Variants in NUP153 observed in about 807,000 individuals in gnomAD.
NUP153 encodes the protein nucleoporin 153.
A neutral mutation model predicts 134.6 loss-of-function variants in NUP153; 27 were observed. That is an observed-to-expected ratio of 0.20 (90% confidence interval 0.15 to 0.28). The LOEUF (loss-of-function observed/expected upper bound fraction) is 0.28, where lower values mean the gene tolerates loss of function less well. NUP153 is among the 10% of genes least tolerant of loss of function. The pLI, the probability that NUP153 is intolerant of heterozygous loss-of-function variation, is 1.00. For synonymous variants in NUP153, 640 were observed against 623.5 expected (o/e 1.03, Z -0.40); for missense variants, 1,821 against 1,731.3 (o/e 1.05, Z -0.92).
chr6:17,651,668 G>C (rs1469313830), intron 11 of NUP153, among the ~76,000 whole-genome samples: 4 of 152,102 alleles, frequency 2.6e-5, no homozygotes, highest in African/African-American at 9.7e-5. Context: ...TACCAAAGTA[G>C]ATTTCAAGAC....
chr6:17,654,701 A>G (rs1040150762), intron 11 of NUP153, among the ~76,000 whole-genome samples: 1 of 152,214 alleles, frequency 6.6e-6, no homozygotes, highest in African/African-American at 2.4e-5. Context: ...CACTAATCTA[A>G]GAGGAAAAAA....
rs1768138557 is a variant in NUP153, at chr6:17,675,145, T to A, written c.723+84A>T. The A allele has an allele frequency of 1.3e-6, 2 of 1,539,642 alleles. No individual in the cohort carries two copies. Among genetic ancestry groups the A allele is most frequent in the African/African-American group, 1.4e-5 (1 of 71,138 alleles). On this transcript the variant is annotated intron_variant, in intron 4 of 21. Transcript: ENST00000262077. This position sits in a 1 kb window ranked among gnomAD's most constrained non-coding sequence, Gnocchi z 4.4. ...TCAAGCCTGGGCAACAGCAAAAGAC[T>A]CTTGTCTCAGAAAAAAAAAAAAAAA... is the stretch of plus-strand genomic sequence containing the variant.
At position 17,629,060 on chromosome 6, in the gene NUP153, T is replaced by A; in HGVS notation, c.3139A>T (p.Ser1047Cys). 1.2e-6 allele frequency: 2 copies of A among 1,614,232 alleles called. No individual in the cohort carries two copies. The highest frequency in any genetic ancestry group is 1.7e-6 in the Non-Finnish European group (2 of 1,180,040). ...NTIVTSENKS[S>C]FNLGTIETKS... ...GTTTCTATGGTTCCAAGGTTGAAGC[T>A]GCTCTTGTTCTCAGAGGTCACTATG... Residue 1047 changes from serine to cysteine, a missense_variant, in exon 18 of 22, where the codon AGC (serine) becomes TGC (cysteine). Coordinates refer to ENST00000262077, the MANE Select transcript of NUP153 (RefSeq NM_005124.4).
intron 20 of NUP153, among the ~76,000 whole-genome samples, chr6:17,624,039 C>T (rs11756008): frequency 9.9e-4 from 150 of 151,958 alleles, no homozygotes; most frequent in Admixed American, 2.1e-3. Flanking sequence ...TTATATTTCA[C>T]AATTAGAAAA....
At chr6:17,670,689 A>AG (rs1346082099) in intron 5 of NUP153, among the ~76,000 whole-genome samples, 1 of 152,152 alleles carries the variant, frequency 6.6e-6, no homozygotes, top group Non-Finnish European at 1.5e-5. Context: ...AACTATACCT[A>AG]GGTTTGTTCA....
chr6:17,635,240 G>A (rs1765488515), intron 16 of NUP153, among the ~76,000 whole-genome samples: 1 of 151,252 alleles, frequency 6.6e-6, no homozygotes, highest in African/African-American at 2.4e-5. Flanking sequence ...CTCCCGAGTA[G>A]CTGGGACTAC....
intron 2 of NUP153, among the ~76,000 whole-genome samples, chr6:17,684,390 C>G (rs528451361): frequency 6.6e-6 from 1 of 152,322 alleles, no homozygotes; most frequent in South Asian, 2.1e-4. Context: ...CTGCTGGCTT[C>G]CAGCTTTTCT....
Position 17,628,861 on chromosome 6 carries a change from G to T in NUP153, c.3338C>A (p.Ser1113Tyr), listed in dbSNP as rs745404592. 1.9e-6 allele frequency: 3 copies of T among 1,614,046 alleles called. No individual in the cohort carries two copies. Among genetic ancestry groups the T allele is most frequent in the Non-Finnish European group, 2.5e-6 (3 of 1,180,014 alleles). ...TTTCTTCCCAAAAACTAGGGAAGTA[G>T]AAGTGACAGGCTCTTGCTGTTTCTC... ...TEEKQQEPVT[S>Y]TSLVFGKKAD... Residue 1113 changes from serine to tyrosine, a missense_variant, in exon 18 of 22, where the codon TCT (serine) becomes TAT (tyrosine). Transcript: ENST00000262077. The surrounding 1 kb of genome is among the most constrained non-coding windows in gnomAD (Gnocchi z 5.4).
In NUP153 at chr6:17,700,072, T is replaced by C. The variant is rs554855861; in HGVS notation, c.111+6205A>G. Among the ~76,000 whole-genome samples the C allele has an allele frequency of 1.8e-4, 27 of 152,222 alleles. 1 individual carries two copies. Among genetic ancestry groups the C allele is most frequent in the African/African-American group, 4.3e-4 (18 of 41,550 alleles). ...ATTTAATACATGCAAGTATTGAATT[T>C]AGTCACCTAAAGGAAACAAAACTTC... On this transcript the variant is annotated intron_variant, in intron 1 of 21. Coordinates refer to ENST00000262077, the MANE Select transcript of NUP153 (RefSeq NM_005124.4).
intron 2 of NUP153, among the ~76,000 whole-genome samples, chr6:17,685,548 CAAAA>C (rs71536744): frequency 1.0e-5 from 1 of 98,636 alleles, no homozygotes; most frequent in Non-Finnish European, 2.0e-5. Flanking sequence ...GACTCCGTCT[CAAAA>C]AAAAAAAAAA....
intron 1 of NUP153, among the ~76,000 whole-genome samples, chr6:17,694,415 T>C (rs1769495111): frequency 6.6e-6 from 1 of 152,120 alleles, no homozygotes; most frequent in African/African-American, 2.4e-5. Context: ...TCCCAGCACT[T>C]CCGGAGGCCG....
At chr6:17,682,266 A>G (rs1768628335) in intron 2 of NUP153, among the ~76,000 whole-genome samples, 1 of 152,150 alleles carries the variant, frequency 6.6e-6, no homozygotes, top group Non-Finnish European at 1.5e-5. Context: ...ACAAATAACA[A>G]TCTGCTGAGC....
intron 20 of NUP153, among the ~76,000 whole-genome samples, chr6:17,623,324 A>C (rs1161099394): frequency 8.0e-5 from 12 of 150,678 alleles, no homozygotes; most frequent in Non-Finnish European, 1.3e-4. Context: ...AACCTCTACA[A>C]ACTTACACGC....
chr6:17,620,344 T>A (rs1764587267), intron 20 of NUP153, among the ~76,000 whole-genome samples: 1 of 152,082 alleles, frequency 6.6e-6, no homozygotes, highest in African/African-American at 2.4e-5. Context: ...AATCCACGTA[T>A]TTACAGCCAA....
At chr6:17,659,617 C>A (rs1291296073) in intron 11 of NUP153, among the ~76,000 whole-genome samples, 1 of 152,152 alleles carries the variant, frequency 6.6e-6, no homozygotes, top group African/African-American at 2.4e-5. Context: ...GGACTACACA[C>A]ATACGCTATC....
At chr6:17,640,281 T>C (rs534714305) in intron 14 of NUP153, among the ~76,000 whole-genome samples, 29 of 152,076 alleles carry the variant, frequency 1.9e-4, no homozygotes, top group Admixed American at 1.8e-3. Context: ...CCCCCACCAA[T>C]AAAAAGGCAA....
At position 17,647,914 on chromosome 6, in the gene NUP153, C is replaced by T; in HGVS notation, c.1534-9G>A. 6.4e-7 allele frequency: 1 copy of T among 1,566,678 alleles called. No individual in the cohort carries two copies. The highest frequency in any genetic ancestry group is 8.7e-7 in the Non-Finnish European group (1 of 1,144,044). ...GGAGAGGTCATTTGTACCTGGTTTT[C>T]CAAATTATTAAGAAATGATACAAAA... On this transcript the variant is annotated splice_polypyrimidine_tract_variant and intron_variant, in intron 12 of 21. Coordinates refer to ENST00000262077, the MANE Select transcript of NUP153 (RefSeq NM_005124.4).
In NUP153 at chr6:17,675,182, A is replaced by G. The variant is rs964154500; in HGVS notation, c.723+47T>C. 2 of 1,592,086 alleles carry G rather than the reference A, an allele frequency of 1.3e-6. No individual in the cohort carries two copies. Among genetic ancestry groups the G allele is most frequent in the East Asian group, 2.2e-5 (1 of 44,776 alleles). On this transcript the variant is annotated intron_variant, in intron 4 of 21. Coordinates refer to ENST00000262077, the MANE Select transcript of NUP153 (RefSeq NM_005124.4). The surrounding 1 kb of genome is among the most constrained non-coding windows in gnomAD (Gnocchi z 4.4). Reference sequence around the variant, plus strand: ...AAAAAAAAAAAAAATTATAAGCAATAAACACTCAAAACTAATGTGATTAAA... The same window carrying G: ...AAAAAAAAAAAAAATTATAAGCAATGAACACTCAAAACTAATGTGATTAAA...
chr6:17,699,226 GT>G (rs1769880658), intron 1 of NUP153, among the ~76,000 whole-genome samples: 1 of 151,364 alleles, frequency 6.6e-6, no homozygotes, highest in Non-Finnish European at 1.5e-5. Flanking sequence ...GCTGGGCGTG[GT>G]GGCTCAAGCC....
Sources: allele counts gnomAD v4.1 joint callset (sites outside exome capture counted in the v4.1 genomes callset), GRCh38; gene constraint gnomAD v4.1.1; non-coding constraint Gnocchi (gnomAD v3.1); transcripts MANE v1.5; gene names NCBI Gene and HGNC (gene_info 2026-07-23, HGNC 2026-07-21).